ZNF559: variants seen among roughly 807,000 people sequenced by gnomAD.
The protein encoded by ZNF559 is putative protein product of Nbla00121.
A neutral mutation model predicts 14.2 loss-of-function variants in ZNF559; 17 were observed. The observed-to-expected ratio is 1.20, with a 90% confidence interval of 0.82 to 1.80. The LOEUF is 1.80. Among genes scored for constraint, ZNF559 ranks in the 40% most tolerant of loss-of-function variants. The pLI, the probability that ZNF559 is intolerant of heterozygous loss-of-function variation, is 0.00. For missense variants in ZNF559, 740 were observed against 629.7 expected (o/e 1.18, Z -1.88); for synonymous variants, 244 against 212.4 (o/e 1.15, Z -1.29).
At chr19:9,331,971 A>G (rs1456279700) in intron 2 of ZNF559, among the ~76,000 whole-genome samples, 1 of 152,232 alleles carries the variant, frequency 6.6e-6, no homozygotes, top group Non-Finnish European at 1.5e-5. Flanking sequence ...CTTAGATTAT[A>G]TGTTCAAAAT....
chr19:9,324,394 G>C, intron 1 of ZNF559, 166 bp downstream of exon 1: 1 of 1,480,446 alleles, frequency 6.8e-7, no homozygotes, highest in Non-Finnish European at 9.0e-7. Flanking sequence ...TCCTCTGAGA[G>C]CCACAGTCAG....
intron 2 of ZNF559, among the ~76,000 whole-genome samples, chr19:9,334,654 A>T (rs2067128812): frequency 6.6e-6 from 1 of 152,234 alleles, no homozygotes; most frequent in Admixed American, 6.5e-5. Context: ...ATACCTTTGT[A>T]ATTCTACTCT....
intron 2 of ZNF559, among the ~76,000 whole-genome samples, chr19:9,334,265 T>G (rs2067103568): frequency 6.6e-6 from 1 of 152,238 alleles, no homozygotes; most frequent in Admixed American, 6.5e-5. Flanking sequence ...TTCTTCAGAT[T>G]TTGGAATATT....
At position 9,341,367 on chromosome 19, in the gene ZNF559, G is replaced by A. The variant is rs551377358; in HGVS notation, c.243+183G>A. On this transcript the variant is annotated intron_variant, in intron 6 of 6. Transcript: ENST00000603380. The stretch of plus-strand genomic sequence containing the variant: ...TGACAAACACTCTAAACATCCCTCA[G>A]AATATATTTGTTTACATATTTCCTT... 4.0e-6 allele frequency: 3 copies of A among 758,728 alleles called. No homozygotes were observed. The Admixed American group carries it at 6.0e-5, about 15-fold the overall frequency. 47.0% of individuals were successfully genotyped at this position (758,728 alleles called of 1,614,324 possible). A position where few individuals can be genotyped will look rare whatever the true frequency, so the allele number is the denominator to read the frequency against.
chr19:9,330,844 A>G (rs1421933595), intron 2 of ZNF559, among the ~76,000 whole-genome samples: 1 of 152,074 alleles, frequency 6.6e-6, no homozygotes, highest in Non-Finnish European at 1.5e-5. Flanking sequence ...TTTGTGTCAT[A>G]GTTTCTTCTT....
Position 9,341,175 on chromosome 19 carries a change from G to A in ZNF559, c.234G>A (p.Val78=). 1 of 1,613,752 alleles carries A rather than the reference G, an allele frequency of 6.2e-7. No individual in the cohort carries two copies. Among genetic ancestry groups the A allele is most frequent in the Non-Finnish European group, 8.5e-7 (1 of 1,179,760 alleles). The change falls in exon 6 of 7, where the codon GTG becomes GTA. Residue 78 remains valine, a synonymous_variant. Transcript: ENST00000603380. ...TTTTGCAGGGGAAAACATCCAGTGT[G>A]GTGGAAATGGTAAGATTCAGAAGGT... is the stretch of plus-strand genomic sequence containing the variant. ...QNFLQGKTSS[V]VEMERNHFGE...
At chr19:9,329,376 T>G (rs1384808404) in intron 2 of ZNF559, among the ~76,000 whole-genome samples, 1 of 152,170 alleles carries the variant, frequency 6.6e-6, no homozygotes, top group African/African-American at 2.4e-5. Flanking sequence ...TTTTTCTTCT[T>G]TCAGATCCAT....
At position 9,324,193 on chromosome 19, in the gene ZNF559, C is replaced by A. The variant is rs1311657477; in HGVS notation, c.-241C>A. 1 of 1,535,950 alleles carries A rather than the reference C, an allele frequency of 6.5e-7. No individual in the cohort carries two copies. Among genetic ancestry groups the A allele is most frequent in the Non-Finnish European group, 8.7e-7 (1 of 1,146,884 alleles). On this transcript the variant is annotated 5_prime_UTR_variant, in exon 1 of 7. Coordinates refer to ENST00000603380, the MANE Select transcript of ZNF559 (RefSeq NM_032497.3). Reference sequence around the variant, plus strand: ...TGCGTGGGCGCATGCGCATAACGGCCGCCATCTTAACAGCGCGTTCCCGTT... The same window carrying A: ...TGCGTGGGCGCATGCGCATAACGGCAGCCATCTTAACAGCGCGTTCCCGTT...
At chr19:9,329,207 C>G (rs993802213) in intron 2 of ZNF559, among the ~76,000 whole-genome samples, 1 of 151,944 alleles carries the variant, frequency 6.6e-6, no homozygotes, top group Non-Finnish European at 1.5e-5. Context: ...TATGTGGTGC[C>G]ATAGTTTTTA....
In ZNF559 at chr19:9,338,098, C is replaced by G. The variant is rs1024935365; in HGVS notation, c.-57+240C>G. 15 of 1,252,896 alleles carry G rather than the reference C, an allele frequency of 1.2e-5. No individual in the cohort carries two copies. In the South Asian group the frequency reaches 1.9e-4, roughly 16 times the overall value. 77.6% of individuals were successfully genotyped at this position (1,252,896 alleles called of 1,614,324 possible). ...TTGTCTTGTGATTAGGGTTTAGGGTCTAAGTGGCCCTGCTTTTGAGATACC... is the reference window on the plus strand; with the variant it reads ...TTGTCTTGTGATTAGGGTTTAGGGTGTAAGTGGCCCTGCTTTTGAGATACC... On this transcript the variant is annotated intron_variant, in intron 3 of 6. Coordinates refer to ENST00000603380, the MANE Select transcript of ZNF559 (RefSeq NM_032497.3).
rs200505173 is a variant in ZNF559 at position 9,342,786 on chromosome 19, C to T, written c.1335C>T (p.Ala445=). ...RPFECEECGK[A]FRYSSHLSQH... ...TTGAATGTGAGGAATGTGGGAAAGCCTTTAGATACTCCTCGCACCTTAGTC... is the reference window on the plus strand; with the variant it reads ...TTGAATGTGAGGAATGTGGGAAAGCTTTTAGATACTCCTCGCACCTTAGTC... The change falls in exon 7 of 7, where the codon GCC becomes GCT. Residue 445 remains alanine (A), a synonymous_variant. Transcript: ENST00000603380. The T allele has an allele frequency of 4.0e-5, 65 of 1,614,078 alleles. No individual in the cohort carries two copies. In the Middle Eastern group the frequency reaches 4.9e-4, roughly 12 times the overall value.
Position 9,343,175 on chromosome 19 carries a change from G to A in ZNF559, c.*107G>A. 3 of 1,501,718 alleles carry A rather than the reference G, an allele frequency of 2.0e-6. No individual in the cohort carries two copies. Among genetic ancestry groups the A allele is most frequent in the Non-Finnish European group, 2.6e-6 (3 of 1,134,174 alleles). The allele number at this position is 1,501,718 out of a possible 1,614,324, so 93.0% of individuals were successfully genotyped here. The stretch of plus-strand genomic sequence containing the variant: ...ATGTACACAGTCATAAGGAATGTGG[G>A]AAGCCTTCCTTGGTGTCTCAGATCT... On this transcript the variant is annotated 3_prime_UTR_variant, in exon 7 of 7. Coordinates refer to ENST00000603380, the MANE Select transcript of ZNF559 (RefSeq NM_032497.3).
At chr19:9,324,916 G>A (rs1235084906) in intron 2 of ZNF559, 136 bp downstream of exon 2, 3 of 716,122 alleles carry the variant, frequency 4.2e-6, no homozygotes, top group Non-Finnish European at 7.0e-6. Context: ...ATGAGTGGAT[G>A]AATGCACATA....
chr19:9,324,331 G>A (rs928498317), intron 1 of ZNF559, 103 bp downstream of exon 1: 71 of 1,526,086 alleles, frequency 4.7e-5, no homozygotes, highest in Non-Finnish European at 5.7e-5. Flanking sequence ...AGCCTGTCCC[G>A]TGCACTTTCG....
At chr19:9,324,978 C>T (rs1401628830) in intron 2 of ZNF559, among the ~76,000 whole-genome samples, 198 bp downstream of exon 2, 1 of 152,176 alleles carries the variant, frequency 6.6e-6, no homozygotes, top group South Asian at 2.1e-4. Context: ...ACTGTGGTTC[C>T]AGGCCATCAC....
In ZNF559 at chr19:9,343,491, C is replaced by G; in HGVS notation, c.*423C>G. The stretch of plus-strand genomic sequence containing the variant: ...TCTGGCTGTAAGGAATGTGTTGAAA[C>G]CTTTCACTCTGCCTTATACCTTAAT... On this transcript the variant is annotated 3_prime_UTR_variant, in exon 7 of 7. Transcript: ENST00000603380. 9.8e-7 allele frequency: 1 copy of G among 1,025,154 alleles called. No homozygotes were observed. The highest frequency in any genetic ancestry group is 1.2e-6 in the Non-Finnish European group (1 of 852,834). The allele number at this position is 1,025,154 out of a possible 1,614,324, so 63.5% of individuals were successfully genotyped here. A position where few individuals can be genotyped will look rare whatever the true frequency, so the allele number is the denominator to read the frequency against.
Position 9,338,584 on chromosome 19 carries a change from T to C in ZNF559, c.33+2T>C. 1 of 1,612,102 alleles carries C rather than the reference T, an allele frequency of 6.2e-7. No individual in the cohort carries two copies. The highest frequency in any genetic ancestry group is 8.5e-7 in the Non-Finnish European group (1 of 1,178,266). On this transcript the variant is annotated splice_donor_variant, in intron 4 of 6. Coordinates refer to ENST00000603380, the MANE Select transcript of ZNF559 (RefSeq NM_032497.3). LOFTEE classifies it high-confidence loss of function. Reference sequence around the variant, plus strand: ...GGGTGGTTGACAAATTACTCTCAGGTAAGTAGGAAATTGCTTTTTCTGTAG... The same window carrying C: ...GGGTGGTTGACAAATTACTCTCAGGCAAGTAGGAAATTGCTTTTTCTGTAG...
intron 2 of ZNF559, chr19:9,330,064 T>C (rs185958302): frequency 6.6e-6 from 1 of 152,354 alleles, no homozygotes; most frequent in Admixed American, 6.5e-5. Context: ...TACCATTTAC[T>C]TCATTGTTTT....
intron 2 of ZNF559, among the ~76,000 whole-genome samples, chr19:9,332,500 G>A (rs149616741): frequency 5.6e-4 from 86 of 152,228 alleles, no homozygotes; most frequent in Non-Finnish European, 1.0e-3. Context: ...CCTGCCACTT[G>A]CCTTGGGGGG....
Sources: gnomAD v4.1 joint callset for allele counts (sites outside exome capture counted in the v4.1 genomes callset) on GRCh38, gnomAD v4.1.1 for gene constraint, MANE v1.5 for transcripts, NCBI Gene and HGNC (gene_info 2026-07-23, HGNC 2026-07-21) for gene names.